CTIF: variants seen among roughly 807,000 people sequenced by gnomAD.
CTIF encodes the protein cap binding complex dependent translation initiation factor.
In CTIF, 21 loss-of-function variants were observed where a neutral mutation model predicts 66.0. That is an observed-to-expected ratio of 0.32 (90% CI 0.23 to 0.46). CTIF has a LOEUF of 0.46. Among genes scored for constraint, CTIF ranks in the 20% least tolerant of loss-of-function variants. The pLI, the probability that CTIF is intolerant of heterozygous loss-of-function variation, is 1.00. For missense variants in CTIF, 739 were observed against 812.7 expected (o/e 0.91, Z 1.10); for synonymous variants, 345 against 326.4 (o/e 1.06, Z -0.62).
In CTIF at chr18:48,619,629, G is replaced by A. The variant is rs1268738342; in HGVS notation, c.64G>A (p.Glu22Lys). Residue 22 changes from glutamate (E) to lysine (K), a missense_variant, in exon 2 of 12, where the codon GAG becomes AAG. This residue lies in a region of CTIF where 529 missense variants were observed against 520.3 expected (regional missense o/e 1.02). Transcript: ENST00000256413. Reference sequence around the variant, plus strand: ...AGGGAGCAGCCGCTCCCAGGAGATCGAGGAGCTGGAGCGCTTCATCGACAG... The same window carrying A: ...AGGGAGCAGCCGCTCCCAGGAGATCAAGGAGCTGGAGCGCTTCATCGACAG... Reference protein sequence around the residue: ...EAGSSRSQEIEELERFIDSYV... With the variant: ...EAGSSRSQEIKELERFIDSYV... 4 of 1,604,972 alleles carry A rather than the reference G, an allele frequency of 2.5e-6. No individual in the cohort carries two copies. Among genetic ancestry groups the A allele is most frequent in the Non-Finnish European group, 1.7e-6 (2 of 1,176,090 alleles).
chr18:48,717,808 C>A (rs1277999494), intron 7 of CTIF, among the ~76,000 whole-genome samples: 6 of 152,160 alleles, frequency 3.9e-5, no homozygotes, highest in African/African-American at 1.4e-4. Flanking sequence ...TTCATTGCAG[C>A]CTTGAACTCC....
chr18:48,810,914 A>G (rs546186863), intron 9 of CTIF, among the ~76,000 whole-genome samples: 1 of 151,668 alleles, frequency 6.6e-6, no homozygotes, highest in East Asian at 1.9e-4. Flanking sequence ...TCTTGTTTTT[A>G]CCCATCCATT....
chr18:48,540,523 G>A (rs1438969660), intron 1 of CTIF, among the ~76,000 whole-genome samples: 1 of 151,860 alleles, frequency 6.6e-6, no homozygotes, highest in Non-Finnish European at 1.5e-5. Flanking sequence ...ATCGGGAGGG[G>A]GGTGGTCCGA....
intron 10 of CTIF, among the ~76,000 whole-genome samples, chr18:48,822,132 G>T (rs1450222756): frequency 6.6e-6 from 1 of 152,124 alleles, no homozygotes; most frequent in Non-Finnish European, 1.5e-5. Context: ...GTTCATCCAT[G>T]TTGTTGTATA....
chr18:48,639,738 G>A (rs1466319164), intron 3 of CTIF, among the ~76,000 whole-genome samples: 2 of 152,162 alleles, frequency 1.3e-5, no homozygotes, highest in Admixed American at 1.3e-4. Flanking sequence ...GGCTGGTGTG[G>A]TAGCCCAACA....
chr18:48,767,199 A>G (rs1599005898), intron 9 of CTIF, among the ~76,000 whole-genome samples: 1 of 152,118 alleles, frequency 6.6e-6, no homozygotes, highest in South Asian at 2.1e-4. Context: ...TGGGTTAGAG[A>G]AGGAACCAAA....
At chr18:48,794,987 A>G (rs760636885) in intron 9 of CTIF, among the ~76,000 whole-genome samples, 1 of 152,142 alleles carries the variant, frequency 6.6e-6, no homozygotes, top group Non-Finnish European at 1.5e-5. Context: ...TAGACTCCAC[A>G]TTAGCTGGCG....
intron 1 of CTIF, chr18:48,564,974 G>A (rs1438083665): frequency 1.3e-5 from 2 of 152,162 alleles, no homozygotes; most frequent in East Asian, 3.8e-4. Context: ...CTGATATTGA[G>A]ATAAATTTTA....
chr18:48,586,853 G>T (rs116717708), intron 1 of CTIF, among the ~76,000 whole-genome samples: 92 of 152,150 alleles, frequency 6.0e-4, no homozygotes, highest in African/African-American at 2.2e-3. Context: ...AGCGGTATCA[G>T]GCCACCACTC....
At chr18:48,707,058 A>C (rs1304318238) in intron 6 of CTIF, among the ~76,000 whole-genome samples, 1 of 152,202 alleles carries the variant, frequency 6.6e-6, no homozygotes, top group Non-Finnish European at 1.5e-5. Context: ...GGTAGACCAG[A>C]CAGCCAAAAA....
At chr18:48,758,590 G>C (rs1273460579) in intron 8 of CTIF, among the ~76,000 whole-genome samples, 185 bp downstream of exon 8, 1 of 152,082 alleles carries the variant, frequency 6.6e-6, no homozygotes, top group African/African-American at 2.4e-5. Context: ...CCAGCAGGTA[G>C]GGCCATCATG....
At chr18:48,617,779 G>A (rs2090424166) in intron 1 of CTIF, among the ~76,000 whole-genome samples, 1 of 152,180 alleles carries the variant, frequency 6.6e-6, no homozygotes. Flanking sequence ...ATTCTGAAAA[G>A]GGCACCGCCT....
intron 3 of CTIF, among the ~76,000 whole-genome samples, chr18:48,639,969 C>T (rs189263167): frequency 1.1e-3 from 173 of 152,324 alleles, no homozygotes; most frequent in African/African-American, 3.9e-3. Flanking sequence ...CTTTGAGTGA[C>T]GGCACCCCAA....
Position 48,758,415 on chromosome 18 carries a change from A to G in CTIF, c.1071+10A>G, listed in dbSNP as rs199712985. The G allele has an allele frequency of 3.2e-6, 5 of 1,563,300 alleles. No homozygotes were observed. The East Asian group carries it at 1.1e-4, about 35-fold the overall frequency. On this transcript the variant is annotated intron_variant, in intron 8 of 11. Transcript: ENST00000256413. ...AAGGCTAAAGGAAAAGGTACCGGTA[A>G]TTGAATTTTTGTTCTTCTCTTGCAC...
rs144009254 is a variant in CTIF, at chr18:48,851,190, GC to G, written c.1528-6397del. Among the ~76,000 whole-genome samples the G allele has an allele frequency of 1.9e-3, 282 of 152,352 alleles. 4 individuals carry two copies. The East Asian group carries it at 0.048, about 26-fold the overall frequency. On this transcript the variant is annotated intron_variant, in intron 10 of 11. Transcript: ENST00000256413. The stretch of plus-strand genomic sequence containing the variant: ...AGTTGGGGGAGTAGGGGGAGCAGGG[GC>G]AGTGGCCCCAGGAGCCTGCCTGCGG...
chr18:48,549,765 C>A (rs1476937312), intron 1 of CTIF, among the ~76,000 whole-genome samples: 1 of 152,194 alleles, frequency 6.6e-6, no homozygotes, highest in Middle Eastern at 3.2e-3. Flanking sequence ...TGCCTCCGCT[C>A]CAGTGGAGGA....
chr18:48,664,686 C>T lies in CTIF; in HGVS notation c.431+135C>T, dbSNP rs73958910. Reference sequence around the variant, plus strand: ...GCCCCGGGATGCTCTTCTTATGCGTCCCAGAGCTGCAGGCTCACTGGCTTC... The same window carrying T: ...GCCCCGGGATGCTCTTCTTATGCGTTCCAGAGCTGCAGGCTCACTGGCTTC... On this transcript the variant is annotated intron_variant, in intron 5 of 11. Coordinates refer to ENST00000256413, the MANE Select transcript of CTIF (RefSeq NM_014772.3). The T allele has an allele frequency of 1.3e-3, 881 of 692,716 alleles. 5 individuals carry two copies. In the African/African-American group the frequency reaches 0.014, roughly 11 times the overall value. 42.9% of individuals were successfully genotyped at this position (692,716 alleles called of 1,614,324 possible).
intron 10 of CTIF, among the ~76,000 whole-genome samples, chr18:48,822,500 CCCCCAACACACA>C (rs2068504071): frequency 1.6e-5 from 1 of 63,168 alleles, no homozygotes; most frequent in South Asian, 6.2e-4. Flanking sequence ...CCCACCCCCA[CCCCCAACACACA>C]CACACACACA....
intron 9 of CTIF, among the ~76,000 whole-genome samples, chr18:48,799,265 T>C (rs1003360076): frequency 3.9e-5 from 6 of 152,194 alleles, no homozygotes; most frequent in African/African-American, 1.4e-4. Flanking sequence ...CATTCAATCT[T>C]CACAACAACT....
Sources: allele counts gnomAD v4.1 joint callset (sites outside exome capture counted in the v4.1 genomes callset), GRCh38; gene constraint gnomAD v4.1.1; regional missense constraint gnomAD v4.1.1; transcripts MANE v1.5; gene names NCBI Gene and HGNC (gene_info 2026-07-23, HGNC 2026-07-21).